BPIFB3: variants seen among roughly 807,000 people sequenced by gnomAD.
BPIFB3 encodes BPI fold-containing family B member 3.
In BPIFB3, 49 loss-of-function variants were observed where a neutral mutation model predicts 53.1. That is an observed-to-expected ratio of 0.92 (90% CI 0.73 to 1.17). The LOEUF (loss-of-function observed/expected upper bound fraction) is 1.17. BPIFB3 is among the 50% of genes most tolerant of loss of function. The pLI, the probability that BPIFB3 is intolerant of heterozygous loss-of-function variation, is 0.00. For missense variants in BPIFB3, 628 were observed against 592.5 expected, an observed-to-expected ratio of 1.06 and a Z score of -0.62; for synonymous variants, 271 against 269.6, an observed-to-expected ratio of 1.01 and a Z score of -0.05.
chr20:33,064,574 C>T, intron 7 of BPIFB3, 26 bp downstream of exon 8: 1 of 1,613,134 alleles, frequency 6.2e-7, no homozygotes, highest in South Asian at 1.1e-5. Flanking sequence ...GGCCTCTCCT[C>T]CTGCTGGGGG....
intron 10 of BPIFB3, among the ~76,000 whole-genome samples, chr20:33,069,213 C>G (rs1426359238): frequency 1.3e-5 from 2 of 152,170 alleles, no homozygotes; most frequent in African/African-American, 4.8e-5. Context: ...GCTGCCCACA[C>G]TGCTTCTTGG....
At chr20:33,072,312 A>C in intron 13 of BPIFB3, 145 bp downstream of exon 14, 1 of 898,840 alleles carries the variant, frequency 1.1e-6, no homozygotes, top group South Asian at 1.5e-5. Flanking sequence ...AAACTGAGGC[A>C]CCAATTTTTC....
chr20:33,062,020 C>G (rs377124717), intron 5 of BPIFB3, among the ~76,000 whole-genome samples, 189 bp downstream of exon 6: 59 of 151,330 alleles, frequency 3.9e-4, no homozygotes, highest in African/African-American at 1.4e-3. Context: ...GTGGATGACA[C>G]GATCCTTTCG....
chr20:33,055,430 C>A (rs2146377821), exon 1 of BPIFB3: 1 of 1,613,496 alleles, frequency 6.2e-7, no homozygotes, highest in Non-Finnish European at 8.5e-7. Context: ...AGGCATGCAG[C>A]CAGTCATGCT....
At chr20:33,059,909 G>A (rs150139646) in exon 4 of BPIFB3, 1 of 1,613,858 alleles carries the variant, frequency 6.2e-7, no homozygotes, top group Admixed American at 1.7e-5. Context: ...GTGGCCTTCT[G>A]CAGCTGGCTG....
chr20:33,054,049 G>A (rs1232756885), upstream of BPIFB3, among the ~76,000 whole-genome samples: 4 of 152,106 alleles, frequency 2.6e-5, no homozygotes, highest in Non-Finnish European at 5.9e-5. Flanking sequence ...TATGAATGAT[G>A]GGCACGGAAA....
At chr20:33,064,800 C>T (rs1600541237) in exon 8 of BPIFB3, 1 of 1,613,990 alleles carries the variant, frequency 6.2e-7, no homozygotes, top group South Asian at 1.1e-5. Context: ...CGTTTGGACT[C>T]CTGCAGACCA....
intron 4 of BPIFB3, among the ~76,000 whole-genome samples, chr20:33,060,442 C>T (rs890931937): frequency 6.6e-6 from 1 of 152,186 alleles, no homozygotes; most frequent in South Asian, 2.1e-4. Flanking sequence ...TTCTGGGCCC[C>T]CATGTCCCCA....
At chr20:33,063,754 G>A (rs948085440) in intron 6 of BPIFB3, 79 bp downstream of exon 7, 104 of 1,440,568 alleles carry the variant, frequency 7.2e-5, no homozygotes, top group Non-Finnish European at 9.6e-5. Context: ...GGTACGAAGG[G>A]GAGCCAGAAG....
chr20:33,064,415 C>A, intron 6 of BPIFB3, 42 bp from the exon 8 acceptor site: 1 of 1,507,132 alleles, frequency 6.6e-7, no homozygotes, highest in Non-Finnish European at 9.2e-7. Flanking sequence ...TGATTGGGAA[C>A]TGGGCTTATA....
chr20:33,062,698 C>T (rs867745316), intron 5 of BPIFB3, among the ~76,000 whole-genome samples: 4 of 152,204 alleles, frequency 2.6e-5, no homozygotes, highest in Non-Finnish European at 4.4e-5. Flanking sequence ...GAAGATTTCT[C>T]GTAACAGTCC....
chr20:33,064,488 G>A (rs1395866542), exon 7 of BPIFB3: 2 of 1,613,952 alleles, frequency 1.2e-6, no homozygotes, highest in African/African-American at 2.7e-5. Context: ...TTGGGTCCGT[G>A]GAATTCTCTC....
exon 10 of BPIFB3, chr20:33,068,830 C>A: frequency 6.2e-7 from 1 of 1,613,914 alleles, no homozygotes; most frequent in Non-Finnish European, 8.5e-7. Context: ...CCTGCACCAG[C>A]AACTCCTACT....
At chr20:33,057,609 A>T (rs1314215877) in intron 2 of BPIFB3, among the ~76,000 whole-genome samples, 8 of 152,122 alleles carry the variant, frequency 5.3e-5, no homozygotes, top group Admixed American at 5.2e-4. Context: ...GGATTCCAGA[A>T]CACTCCTGCT....
At chr20:33,067,458 G>A (rs1980714360) in intron 9 of BPIFB3, among the ~76,000 whole-genome samples, 1 of 152,214 alleles carries the variant, frequency 6.6e-6, no homozygotes, top group Admixed American at 6.5e-5. Context: ...AGGCCTAGGG[G>A]CCTGGGCTCT....
chr20:33,055,694 G>A, intron 1 of BPIFB3, 147 bp downstream of exon 2: 2 of 1,224,888 alleles, frequency 1.6e-6, no homozygotes, highest in Admixed American at 2.3e-5. Context: ...GAGTAGCTGT[G>A]CAGGAGTGAA....
chr20:33,054,807 A>G (rs1258898825), upstream of BPIFB3, among the ~76,000 whole-genome samples: 1 of 152,234 alleles, frequency 6.6e-6, no homozygotes, highest in African/African-American at 2.4e-5. Flanking sequence ...AACTTAGCAG[A>G]TTAGCCATGC....
Position 33,056,699 on chromosome 20 carries a change from G to A in BPIFB3, c.281+1G>A. 2 of 1,589,296 alleles carry A rather than the reference G, an allele frequency of 1.3e-6. No homozygotes were observed. The highest frequency in any genetic ancestry group is 1.7e-6 in the Non-Finnish European group (2 of 1,168,496). On this transcript the variant is annotated splice_donor_variant, in intron 2 of 14. Coordinates refer to ENST00000375494, the Ensembl canonical transcript of BPIFB3. LOFTEE classifies it high-confidence loss of function. The stretch of plus-strand genomic sequence containing the variant: ...TTGGCGTTGTCGAGGAGCTCTCTGG[G>A]TGAGTCCCACCTGCTGCATGCCCTA...
chr20:33,054,212 G>A (rs920917838), upstream of BPIFB3, among the ~76,000 whole-genome samples: 5 of 151,988 alleles, frequency 3.3e-5, no homozygotes, highest in Non-Finnish European at 4.4e-5. Context: ...ATGATCCTAT[G>A]GAGAGAGTTC....
Sources: allele counts gnomAD v4.1 joint callset (sites outside exome capture counted in the v4.1 genomes callset), GRCh38; gene constraint gnomAD v4.1.1; transcripts MANE v1.5; gene names NCBI Gene and HGNC (gene_info 2026-07-23, HGNC 2026-07-21).